The following CPNE4 variants were observed in gnomAD, a reference collection of about 807,000 sequenced individuals.
CPNE4 encodes copine-4.
In CPNE4, 25 loss-of-function variants were observed where a neutral mutation model predicts 67.9. That is an observed-to-expected ratio of 0.37 (90% CI 0.27 to 0.51). CPNE4 has a LOEUF of 0.51. CPNE4 is among the 20% of genes least tolerant of loss of function. The pLI, the probability that CPNE4 is intolerant of heterozygous loss-of-function variation, is 0.93. For missense variants in CPNE4, 464 were observed against 690.8 expected (o/e 0.67, Z 3.68); for synonymous variants, 242 against 244.9 (o/e 0.99, Z 0.11).
chr3:131,805,156 T>C (rs1363913489), intron 2 of CPNE4, among the ~76,000 whole-genome samples: 1 of 152,196 alleles, frequency 6.6e-6, no homozygotes, highest in Admixed American at 6.5e-5. Context: ...GTATGAATCA[T>C]ACACTACCTG....
intron 2 of CPNE4, among the ~76,000 whole-genome samples, chr3:131,900,066 G>A (rs866446225): frequency 3.9e-5 from 6 of 152,096 alleles, no homozygotes; most frequent in Middle Eastern, 6.8e-3. Context: ...GAGTGGGGAG[G>A]GGGAAGAGAA....
chr3:131,698,984 G>A (rs567955041), intron 4 of CPNE4, among the ~76,000 whole-genome samples: 5 of 150,102 alleles, frequency 3.3e-5, no homozygotes, highest in East Asian at 1.9e-4. Context: ...CAAGAGGTTC[G>A]TTTTCTGGCA....
At chr3:131,738,534 G>A (rs2082288886) in intron 2 of CPNE4, among the ~76,000 whole-genome samples, 1 of 152,104 alleles carries the variant, frequency 6.6e-6, no homozygotes, top group African/African-American at 2.4e-5. Context: ...GAAGGGAGGG[G>A]GAATGAACTC....
intron 7 of CPNE4, among the ~76,000 whole-genome samples, chr3:131,666,331 C>T (rs2080260425): frequency 1.3e-5 from 2 of 152,040 alleles, no homozygotes; most frequent in South Asian, 2.1e-4. Context: ...CCTGACTGTT[C>T]CATGGGCTAT....
chr3:131,705,661 C>T (rs575768581), intron 3 of CPNE4, among the ~76,000 whole-genome samples: 7 of 152,210 alleles, frequency 4.6e-5, no homozygotes, highest in Admixed American at 4.6e-4. Flanking sequence ...AAAGCACCAT[C>T]CTAGGAAGGA....
chr3:131,959,188 G>A (rs2072088843), intron 1 of CPNE4, among the ~76,000 whole-genome samples: 1 of 50,586 alleles, frequency 2.0e-5, no homozygotes, highest in Non-Finnish European at 3.6e-5. Flanking sequence ...TTTTAGTAGA[G>A]ACGGGGTTTC....
intron 2 of CPNE4, among the ~76,000 whole-genome samples, chr3:131,779,699 A>T (rs1430959568): frequency 6.6e-6 from 1 of 152,088 alleles, no homozygotes; most frequent in Non-Finnish European, 1.5e-5. Context: ...TGGATCAAAG[A>T]CTTAAATGTA....
intron 1 of CPNE4, among the ~76,000 whole-genome samples, chr3:131,971,106 C>T (rs2072487606): frequency 6.6e-6 from 1 of 152,220 alleles, no homozygotes; most frequent in Non-Finnish European, 1.5e-5. Flanking sequence ...AAGATGGTTA[C>T]AGTCACATGT....
chr3:131,625,023 A>G (rs1320893037), intron 7 of CPNE4, among the ~76,000 whole-genome samples: 1 of 152,136 alleles, frequency 6.6e-6, no homozygotes, highest in Admixed American at 6.5e-5. Context: ...GGCAGGTGCT[A>G]TTCCATCCAT....
At chr3:131,903,218 C>T (rs1017135596) in intron 2 of CPNE4, among the ~76,000 whole-genome samples, 6 of 152,018 alleles carry the variant, frequency 3.9e-5, no homozygotes, top group African/African-American at 1.4e-4. Context: ...GAATTTGGTC[C>T]AAGGGATCCA....
At chr3:131,774,384 G>A (rs994043105) in intron 2 of CPNE4, among the ~76,000 whole-genome samples, 2 of 151,812 alleles carry the variant, frequency 1.3e-5, no homozygotes, top group African/African-American at 2.4e-5. Context: ...GGAGAGTGAG[G>A]ACATAATGTC....
intron 1 of CPNE4, among the ~76,000 whole-genome samples, chr3:132,008,190 G>C (rs572454677): frequency 2.8e-4 from 42 of 152,110 alleles, no homozygotes; most frequent in Non-Finnish European, 4.4e-5. Context: ...TTGAATGAAG[G>C]TATACAAAAT....
At chr3:131,719,865 C>T (rs1167312088) in intron 3 of CPNE4, among the ~76,000 whole-genome samples, 1 of 152,206 alleles carries the variant, frequency 6.6e-6, no homozygotes, top group Non-Finnish European at 1.5e-5. Flanking sequence ...GGCTAGGAAA[C>T]CTTTCCAAGA....
At chr3:132,019,483 A>G (rs1486715292) in intron 1 of CPNE4, among the ~76,000 whole-genome samples, 1 of 152,246 alleles carries the variant, frequency 6.6e-6, no homozygotes, top group Non-Finnish European at 1.5e-5. Context: ...CATCTGAAAA[A>G]TAAATTTGAT....
chr3:131,977,721 T>A (rs2072702185), intron 1 of CPNE4, among the ~76,000 whole-genome samples: 3 of 152,000 alleles, frequency 2.0e-5, no homozygotes, highest in Admixed American at 6.6e-5. Context: ...GGGGTACAGG[T>A]GATATTTGGC....
chr3:132,017,038 GAAGA>G (rs142279636), intron 1 of CPNE4, among the ~76,000 whole-genome samples: 13,513 of 143,934 alleles, frequency 0.094, 703 homozygotes, highest in Non-Finnish European at 0.12. Context: ...GGCAAGCAAA[GAAGA>G]AAGAAGGAGC....
intron 2 of CPNE4, among the ~76,000 whole-genome samples, chr3:131,891,374 G>T (rs1028094995): frequency 8.6e-5 from 13 of 151,878 alleles, no homozygotes; most frequent in Non-Finnish European, 2.9e-5. Flanking sequence ...AATTGGGATA[G>T]TGGTTGCACA....
intron 1 of CPNE4, among the ~76,000 whole-genome samples, chr3:131,952,135 C>T (rs994902663): frequency 7.3e-5 from 11 of 150,278 alleles, no homozygotes; most frequent in East Asian, 2.0e-4. Flanking sequence ...TCTTCCCGGC[C>T]GCCATCACAT....
chr3:131,888,631 T>C (rs2087990863), intron 2 of CPNE4, among the ~76,000 whole-genome samples: 1 of 152,148 alleles, frequency 6.6e-6, no homozygotes, highest in African/African-American at 2.4e-5. Context: ...GGGGACAACG[T>C]TGGCACAGAA....
Sources: gnomAD v4.1 joint callset for allele counts (sites outside exome capture counted in the v4.1 genomes callset) on GRCh38, gnomAD v4.1.1 for gene constraint, MANE v1.5 for transcripts, NCBI Gene and HGNC (gene_info 2026-07-23, HGNC 2026-07-21) for gene names.